PARD3B: variants seen among roughly 807,000 people sequenced by gnomAD.
PARD3B encodes par-3 family cell polarity regulator beta.
PARD3B carries 103 observed loss-of-function variants against 130.2 expected under a neutral mutation model. The observed-to-expected ratio is 0.79, with a 90% CI of 0.67 to 0.93. The LOEUF (loss-of-function observed/expected upper bound fraction) is 0.93. PARD3B is among the 40% of genes least tolerant of loss of function. PARD3B has a pLI of 0.00. For missense variants in PARD3B, 1,609 were observed against 1,499.2 expected, an observed-to-expected ratio of 1.07 and a Z score of -1.21; for synonymous variants, 583 against 553.2, an observed-to-expected ratio of 1.05 and a Z score of -0.76.
Position 205,292,510 on chromosome 2 carries a change from A to G in PARD3B, c.2186-8020A>G, listed in dbSNP as rs574190102. ...ATGAAAGCTATAAATCTTGAAACACAGGAATCATACTCAGGGTGGTGAGAT... is the reference window on the plus strand; with the variant it reads ...ATGAAAGCTATAAATCTTGAAACACGGGAATCATACTCAGGGTGGTGAGAT... On this transcript the variant is annotated intron_variant, in intron 16 of 22. Coordinates refer to ENST00000406610, the MANE Select transcript of PARD3B (RefSeq NM_001302769.2). The surrounding 1 kb of genome is among the most constrained non-coding windows in gnomAD (Gnocchi z 5.3). Among the ~76,000 whole-genome samples the G allele has an allele frequency of 3.9e-5, 6 of 152,264 alleles. No individual in the cohort carries two copies. Among genetic ancestry groups the G allele is most frequent in the Non-Finnish European group, 8.8e-5 (6 of 68,012 alleles).
chr2:205,584,978 A>C lies in PARD3B; in HGVS notation c.3261-30478A>C, dbSNP rs146232333. Among the ~76,000 whole-genome samples, 1 of 152,312 alleles carries C rather than the reference A, an allele frequency of 6.6e-6. No individual in the cohort carries two copies. The highest frequency in any genetic ancestry group is 1.5e-5 in the Non-Finnish European group (1 of 68,026). On this transcript the variant is annotated intron_variant, in intron 22 of 22. Coordinates refer to ENST00000406610, the MANE Select transcript of PARD3B (RefSeq NM_001302769.2). The surrounding 1 kb of genome is among the most constrained non-coding windows in gnomAD (Gnocchi z 5.5). Reference sequence around the variant, plus strand: ...TAGGTGCTTGCAACTTGTTGAAGGCACAGGTGTCTAATTGCGCCCACAAAT... The same window carrying C: ...TAGGTGCTTGCAACTTGTTGAAGGCCCAGGTGTCTAATTGCGCCCACAAAT...
intron 2 of PARD3B, among the ~76,000 whole-genome samples, chr2:204,825,788 C>G (rs542961496): frequency 2.2e-4 from 33 of 152,330 alleles, no homozygotes; most frequent in African/African-American, 7.9e-4. Context: ...TCATCTCATC[C>G]TAATCCAGCT....
chr2:205,533,498 C>T (rs903136138), intron 21 of PARD3B, among the ~76,000 whole-genome samples: 13 of 152,108 alleles, frequency 8.5e-5, no homozygotes, highest in Admixed American at 2.0e-4. Context: ...TACCTTTATT[C>T]ATAACAATTA....
chr2:204,672,060 C>T (rs1266475302), intron 1 of PARD3B, among the ~76,000 whole-genome samples: 2 of 152,056 alleles, frequency 1.3e-5, no homozygotes, highest in Non-Finnish European at 2.9e-5. Context: ...TGGGGCTTCC[C>T]TCCCACTGTA....
rs1553630288 is a variant in PARD3B, at chr2:205,168,320, A to AGTGT, written c.1621-3881_1621-3878dup. Among the ~76,000 whole-genome samples, 333 of 119,692 alleles carry AGTGT rather than the reference A, an allele frequency of 2.8e-3. 1 individual carries two copies. Among genetic ancestry groups the AGTGT allele is most frequent in the South Asian group, 0.011 (41 of 3,654 alleles). The allele number at this position is 119,692 out of a possible 152,430, so 78.5% of individuals were successfully genotyped here. On this transcript the variant is annotated intron_variant, in intron 11 of 22. Transcript: ENST00000406610. ...GAGAGAGAGAGAGAGAGAGAGAGAG[A>AGTGT]GTGTGTGTGTGTGAATATTGCAAGC...
intron 3 of PARD3B, among the ~76,000 whole-genome samples, chr2:205,004,863 C>T (rs1695124946): frequency 6.6e-6 from 1 of 152,152 alleles, no homozygotes; most frequent in Non-Finnish European, 1.5e-5. Context: ...TTGTTTCAGT[C>T]TTTCAATCTC....
intron 2 of PARD3B, among the ~76,000 whole-genome samples, chr2:204,735,027 G>A (rs7588825): frequency 6.6e-6 from 1 of 151,330 alleles, no homozygotes; most frequent in African/African-American, 2.4e-5. Context: ...GCTAATAAAT[G>A]TAGGAGAAAT....
chr2:205,214,471 A>C (rs1344377248), intron 15 of PARD3B, among the ~76,000 whole-genome samples: 2 of 150,494 alleles, frequency 1.3e-5, no homozygotes, highest in Non-Finnish European at 3.0e-5. Context: ...TGTCACGAAA[A>C]ATACCCCAAG....
intron 2 of PARD3B, among the ~76,000 whole-genome samples, chr2:204,858,733 G>GT (rs925000102): frequency 1.3e-5 from 2 of 148,774 alleles, no homozygotes; most frequent in African/African-American, 4.9e-5. Context: ...TTCTACAACA[G>GT]TAACAGTTTT....
rs147775364 is a variant in PARD3B, at chr2:204,956,801, A to T, written c.223-8351A>T. On this transcript the variant is annotated intron_variant, in intron 2 of 22. Coordinates refer to ENST00000406610, the MANE Select transcript of PARD3B (RefSeq NM_001302769.2). Reference sequence around the variant, plus strand: ...GCAATTCATGGGAAGCAAGAATGTTATTGACAAGGCAGGTATATAGAGTTT... The same window carrying T: ...GCAATTCATGGGAAGCAAGAATGTTTTTGACAAGGCAGGTATATAGAGTTT... Among the ~76,000 whole-genome samples, 115 of 152,296 alleles carry T rather than the reference A, an allele frequency of 7.6e-4. 1 individual carries two copies. The highest frequency in any genetic ancestry group is 2.6e-3 in the African/African-American group (110 of 41,560).
At position 205,330,298 on chromosome 2, in the gene PARD3B, G is replaced by A. The variant is rs1036102463; in HGVS notation, c.2630+28597G>A. On this transcript the variant is annotated intron_variant, in intron 18 of 22. Transcript: ENST00000406610. ...GGAGGTTGCAGTGAGCGAAGATCACGCCATGGCACTCCAGCCTGGGAGACA... is the reference window on the plus strand; with the variant it reads ...GGAGGTTGCAGTGAGCGAAGATCACACCATGGCACTCCAGCCTGGGAGACA... Among the ~76,000 whole-genome samples, 8 of 151,582 alleles carry A rather than the reference G, an allele frequency of 5.3e-5. No individual in the cohort carries two copies. In the East Asian group the frequency reaches 1.2e-3, roughly 22 times the overall value.
intron 2 of PARD3B, among the ~76,000 whole-genome samples, chr2:204,693,484 A>G (rs2037449080): frequency 6.6e-6 from 1 of 152,082 alleles, no homozygotes; most frequent in Admixed American, 6.6e-5. Context: ...GATAAGTGGA[A>G]CTAAAAATAG....
intron 4 of PARD3B, among the ~76,000 whole-genome samples, chr2:205,101,251 A>G (rs1159786129): frequency 6.6e-6 from 1 of 152,214 alleles, no homozygotes; most frequent in African/African-American, 2.4e-5. Context: ...CAAAACTACA[A>G]TGACATATCA....
At chr2:205,422,577 C>T (rs1212682974) in intron 19 of PARD3B, among the ~76,000 whole-genome samples, 2 of 152,058 alleles carry the variant, frequency 1.3e-5, no homozygotes, top group Non-Finnish European at 2.9e-5. Context: ...GGATGTTTCC[C>T]CACATCTAAA....
rs577786166 is a variant in PARD3B at position 204,883,938 on chromosome 2, T to C, written c.223-81214T>C. Among the ~76,000 whole-genome samples, 24 of 145,998 alleles carry C rather than the reference T, an allele frequency of 1.6e-4. 1 individual carries two copies. Among genetic ancestry groups the C allele is most frequent in the African/African-American group, 5.6e-4 (22 of 39,236 alleles). On this transcript the variant is annotated intron_variant, in intron 2 of 22. Transcript: ENST00000406610. ...GTTTTTAGTAGAGACGGGGTTTTAC[T>C]ATCTTGGTCAGGCTGATCTTGAACT...
chr2:205,214,466 C>A (rs374061484), intron 15 of PARD3B, among the ~76,000 whole-genome samples: 13 of 146,572 alleles, frequency 8.9e-5, no homozygotes, highest in Non-Finnish European at 1.6e-4. Context: ...TTAGTTGTCA[C>A]GAAAAATACC....
At chr2:205,016,540 C>A (rs1214250809) in intron 3 of PARD3B, among the ~76,000 whole-genome samples, 2 of 152,112 alleles carry the variant, frequency 1.3e-5, no homozygotes, top group Non-Finnish European at 2.9e-5. Flanking sequence ...CATTTCTTTC[C>A]AAGGAAACGT....
intron 16 of PARD3B, among the ~76,000 whole-genome samples, chr2:205,247,370 G>A (rs1269437892): frequency 2.0e-5 from 3 of 152,064 alleles, no homozygotes; most frequent in Non-Finnish European, 2.9e-5. Flanking sequence ...TACATAGTAT[G>A]ATATAAAATA....
rs1478807974 is a variant in PARD3B at position 204,831,480 on chromosome 2, TCTTA to T, written c.223-133667_223-133664del. On this transcript the variant is annotated intron_variant, in intron 2 of 22. Transcript: ENST00000406610. The stretch of plus-strand genomic sequence containing the variant: ...AACTTATGTTCAGAAATAAAACTGC[TCTTA>T]CTTAAGCACTGCTTAGCAGAAACGT... 4.6e-5 allele frequency among the ~76,000 whole-genome samples: 7 copies of T among 152,340 alleles called. No individual in the cohort carries two copies. In the East Asian group the frequency reaches 1.2e-3, roughly 25 times the overall value.
Sources: gnomAD v4.1 joint callset for allele counts (sites outside exome capture counted in the v4.1 genomes callset) on GRCh38, gnomAD v4.1.1 for gene constraint, Gnocchi (gnomAD v3.1) non-coding constraint, MANE v1.5 for transcripts, NCBI Gene and HGNC (gene_info 2026-07-23, HGNC 2026-07-21) for gene names.